MAP2: variants seen among roughly 807,000 people sequenced by gnomAD.
MAP2 encodes microtubule-associated protein 2.
Under a neutral mutation model 137.6 loss-of-function variants are expected in MAP2, and 14 were observed. That is an observed-to-expected ratio of 0.10 (90% CI 0.07 to 0.16). The LOEUF (loss-of-function observed/expected upper bound fraction) is 0.16. MAP2 is among the 10% of genes least tolerant of loss of function. The probability of loss-of-function intolerance (pLI) is 1.00; values close to 1 mark genes in which losing one functional copy is unlikely to be tolerated. For synonymous variants in MAP2, 786 were observed against 782.3 expected, an observed-to-expected ratio of 1.00 and a Z score of -0.08; for missense variants, 2,088 against 2,191.5, an observed-to-expected ratio of 0.95 and a Z score of 0.94.
At chr2:209,499,225 A>G (rs1357660521) in intron 1 of MAP2, among the ~76,000 whole-genome samples, 1 of 152,106 alleles carries the variant, frequency 6.6e-6, no homozygotes, top group Non-Finnish European at 1.5e-5. Flanking sequence ...ATGAAGCTCA[A>G]ACTTCCAAAG....
At chr2:209,429,499 G>A (rs1693657947) in intron 1 of MAP2, among the ~76,000 whole-genome samples, 1 of 151,786 alleles carries the variant, frequency 6.6e-6, no homozygotes, top group African/African-American at 2.4e-5. Context: ...ACTACTCTAT[G>A]AGCAATCAGT....
At chr2:209,467,596 C>G (rs1237346171) in intron 1 of MAP2, among the ~76,000 whole-genome samples, 1 of 152,146 alleles carries the variant, frequency 6.6e-6, no homozygotes, top group East Asian at 1.9e-4. Context: ...CATTTTGATT[C>G]TGTTCTACCA....
intron 2 of MAP2, among the ~76,000 whole-genome samples, chr2:209,554,391 G>A (rs1261421923): frequency 6.6e-6 from 1 of 152,200 alleles, no homozygotes; most frequent in East Asian, 1.9e-4. Context: ...ACCCGAGGGT[G>A]TAGGATTCAG....
intron 5 of MAP2, among the ~76,000 whole-genome samples, chr2:209,673,311 G>A (rs1248925561): frequency 6.6e-6 from 1 of 151,778 alleles, no homozygotes; most frequent in East Asian, 1.9e-4. Context: ...TTACAGGCAT[G>A]TTATAATATT....
At chr2:209,727,989 C>T (rs2074683477) in intron 14 of MAP2, among the ~76,000 whole-genome samples, 1 of 152,032 alleles carries the variant, frequency 6.6e-6, no homozygotes, top group African/African-American at 2.4e-5. Flanking sequence ...TAAAAATAAG[C>T]TGAGTGTGGT....
intron 1 of MAP2, among the ~76,000 whole-genome samples, chr2:209,451,191 GA>G (rs56822317): frequency 0.094 from 14,347 of 151,986 alleles, 1,459 homozygotes; most frequent in African/African-American, 0.26. Flanking sequence ...TATGTTTAGG[GA>G]AAAAAATGTA....
intron 2 of MAP2, chr2:209,579,282 C>CGTGTGT (rs3036660): frequency 0.012 from 1,796 of 149,872 alleles, 12 homozygotes; most frequent in South Asian, 0.029. Flanking sequence ...TGCGTGCGTG[C>CGTGTGT]GTGTGTGTGT....
rs1343010718 is a variant in MAP2 at position 209,428,788 on chromosome 2, A to G, written c.-222+4512A>G. On this transcript the variant is annotated intron_variant, in intron 1 of 15. Coordinates refer to ENST00000682079, the MANE Select transcript of MAP2 (RefSeq NM_001375505.1). Reference sequence around the variant, plus strand: ...CGCTTTGTACCTCAAAAAGGCCTTTAAAAACCAGAAGAAAAGTTACTACCC... The same window carrying G: ...CGCTTTGTACCTCAAAAAGGCCTTTGAAAACCAGAAGAAAAGTTACTACCC... Among the ~76,000 whole-genome samples, 6 of 152,164 alleles carry G rather than the reference A, an allele frequency of 3.9e-5. No individual in the cohort carries two copies. The East Asian group carries it at 1.2e-3, about 29-fold the overall frequency.
intron 13 of MAP2, among the ~76,000 whole-genome samples, chr2:209,712,970 A>T (rs2066030465): frequency 6.6e-6 from 1 of 152,196 alleles, no homozygotes; most frequent in African/African-American, 2.4e-5. Context: ...AAACATTTAA[A>T]AAGACAGAAC....
In MAP2 at chr2:209,653,245, C is replaced by T; in HGVS notation, c.75C>T (p.His25=). 1 of 1,614,122 alleles carries T rather than the reference C, an allele frequency of 6.2e-7. No individual in the cohort carries two copies. The highest frequency in any genetic ancestry group is 8.5e-7 in the Non-Finnish European group (1 of 1,180,010). ...CACCGCTAACAGAGGCATCTGCACA[C>T]TCACATCCACCTGAGATTAAGGATC... ...TSAPLTEASA[H]SHPPEIKDQG... is the part of the protein sequence containing the mutation. The change falls in exon 5 of 16, where the codon CAC becomes CAT. Residue 25 remains histidine (H), a synonymous_variant. Transcript: ENST00000682079.
intron 2 of MAP2, among the ~76,000 whole-genome samples, chr2:209,578,234 G>A (rs2075656039): frequency 6.6e-6 from 1 of 152,134 alleles, no homozygotes; most frequent in Non-Finnish European, 1.5e-5. Context: ...CATGAAGCCA[G>A]TATTTGGATA....
intron 2 of MAP2, among the ~76,000 whole-genome samples, chr2:209,519,264 T>G (rs530554030): frequency 9.9e-5 from 15 of 152,200 alleles, no homozygotes; most frequent in Admixed American, 9.8e-4. Flanking sequence ...ATTACACACA[T>G]GCTTTCAAGA....
chr2:209,709,112 A>G (rs940332223), intron 12 of MAP2, among the ~76,000 whole-genome samples: 1 of 152,166 alleles, frequency 6.6e-6, no homozygotes, highest in Non-Finnish European at 1.5e-5. Flanking sequence ...CTTGAGGCAA[A>G]GAAATGCATC....
intron 4 of MAP2, among the ~76,000 whole-genome samples, chr2:209,642,261 T>C (rs1008271131): frequency 1.3e-5 from 2 of 151,616 alleles, no homozygotes; most frequent in African/African-American, 4.8e-5. Context: ...ACAAGACCCA[T>C]CTCTTGGTGG....
At chr2:209,691,262 T>C (rs1303150749) in intron 7 of MAP2, among the ~76,000 whole-genome samples, 1 of 152,130 alleles carries the variant, frequency 6.6e-6, no homozygotes, top group African/African-American at 2.4e-5. Context: ...TTTTGGCACA[T>C]AGAGGCTTAA....
chr2:209,594,134 GAAA>G (rs555177048), intron 3 of MAP2, among the ~76,000 whole-genome samples: 8 of 81,450 alleles, frequency 9.8e-5, no homozygotes, highest in African/African-American at 1.8e-4. Flanking sequence ...GGTAACAGAT[GAAA>G]AAAAAAAAAA....
At chr2:209,556,702 C>T (rs2070757977) in intron 2 of MAP2, among the ~76,000 whole-genome samples, 1 of 130,088 alleles carries the variant, frequency 7.7e-6, no homozygotes, top group Non-Finnish European at 1.7e-5. Context: ...GTGAAAGAAA[C>T]AACCAAAATG....
At chr2:209,652,660 A>G (rs2094887669) in intron 4 of MAP2, among the ~76,000 whole-genome samples, 1 of 152,160 alleles carries the variant, frequency 6.6e-6, no homozygotes, top group Admixed American at 6.6e-5. Context: ...AGTACATGGG[A>G]TAATTTTTCA....
intron 1 of MAP2, among the ~76,000 whole-genome samples, chr2:209,451,105 C>A (rs1182388481): frequency 6.6e-6 from 1 of 152,002 alleles, no homozygotes; most frequent in Non-Finnish European, 1.5e-5. Context: ...TGAATCTGAA[C>A]AATTGAGTTA....
Sources: gnomAD v4.1 joint callset for allele counts (sites outside exome capture counted in the v4.1 genomes callset) on GRCh38, gnomAD v4.1.1 for gene constraint, MANE v1.5 for transcripts, NCBI Gene and HGNC (gene_info 2026-07-23, HGNC 2026-07-21) for gene names.